Variants in DMTF1 observed in about 807,000 individuals in gnomAD.
DMTF1 encodes the protein cyclin D binding myb like transcription factor 1.
A neutral mutation model predicts 91.1 loss-of-function variants in DMTF1; 39 were observed. The ratio of observed to expected loss-of-function variants is 0.43; its 90% confidence interval spans 0.33 to 0.56. DMTF1 has a LOEUF of 0.56. Among genes scored for constraint, DMTF1 ranks in the 20% least tolerant of loss-of-function variants. The pLI, the probability that DMTF1 is intolerant of heterozygous loss-of-function variation, is 0.05. For synonymous variants in DMTF1, 338 were observed against 309.5 expected (o/e 1.09, Z -0.97); for missense variants, 750 against 914.5 (o/e 0.82, Z 2.32).
chr7:87,193,104 A>T, intron 14 of DMTF1, 94 bp from the exon 15 acceptor site: 3 of 1,312,210 alleles, frequency 2.3e-6, no homozygotes, highest in Non-Finnish European at 3.2e-6. Context: ...CACAATGGGT[A>T]AGTACATTTG....
intron 1 of DMTF1, chr7:87,162,664 A>G (rs1187152318): frequency 2.6e-5 from 4 of 152,228 alleles, no homozygotes; most frequent in Non-Finnish European, 5.9e-5. Context: ...GAATGATAAC[A>G]ACATGAAATC....
intron 2 of DMTF1, chr7:87,164,437 A>G (rs1484273317): frequency 1.3e-5 from 2 of 152,250 alleles, no homozygotes; most frequent in Admixed American, 1.3e-4. Flanking sequence ...CACTTTTTCA[A>G]TATTTTGAAA....
At chr7:87,182,580 G>C (rs1797599058) in intron 10 of DMTF1, among the ~76,000 whole-genome samples, 1 of 152,210 alleles carries the variant, frequency 6.6e-6, no homozygotes, top group African/African-American at 2.4e-5. Context: ...AGATGATTCA[G>C]ATCTAACATG....
At chr7:87,161,456 C>T (rs960805184) in intron 1 of DMTF1, among the ~76,000 whole-genome samples, 6 of 152,134 alleles carry the variant, frequency 3.9e-5, no homozygotes, top group Non-Finnish European at 7.3e-5. Context: ...GAGCCAAGAT[C>T]GTGCCACTGC....
intron 4 of DMTF1, among the ~76,000 whole-genome samples, chr7:87,168,451 C>A (rs1794322496): frequency 6.6e-6 from 1 of 152,172 alleles, no homozygotes; most frequent in Non-Finnish European, 1.5e-5. Context: ...CAGCTCACTT[C>A]CTGTAGGGCT....
intron 14 of DMTF1, among the ~76,000 whole-genome samples, chr7:87,191,872 C>G (rs1799884116): frequency 6.6e-6 from 1 of 152,004 alleles, no homozygotes; most frequent in Non-Finnish European, 1.5e-5. Context: ...TTTATTAAAT[C>G]AAGATTTAAT....
chr7:87,174,070 A>G (rs1795702328), intron 6 of DMTF1, among the ~76,000 whole-genome samples: 1 of 151,912 alleles, frequency 6.6e-6, no homozygotes, highest in Non-Finnish European at 1.5e-5. Flanking sequence ...AGGTGCTACA[A>G]AAAAGTGAGG....
In DMTF1 at chr7:87,193,338, T is replaced by C. The variant is rs1040761465; in HGVS notation, c.1635T>C (p.Ile545=). 6 of 1,613,140 alleles carry C rather than the reference T, an allele frequency of 3.7e-6. No homozygotes were observed. Among genetic ancestry groups the C allele is most frequent in the Non-Finnish European group, 4.2e-6 (5 of 1,179,490 alleles). ...AAAPASPEQI[I]VHALSPEHLL... ...CTCCTGCTTCTCCTGAACAGATTAT[T>C]GTTCATGCTTTATCCGTATGTTACA... The change falls in exon 15 of 18, where the codon ATT becomes ATC. Residue 545 remains isoleucine (I), a synonymous_variant. Transcript: ENST00000331242.
At chr7:87,174,396 A>C (rs776854912) in intron 6 of DMTF1, among the ~76,000 whole-genome samples, 197 bp from the exon 7 acceptor site, 13 of 152,186 alleles carry the variant, frequency 8.5e-5, no homozygotes, top group African/African-American at 1.2e-4. Flanking sequence ...AGTAGGGTCA[A>C]ATAAATGTAT....
At chr7:87,179,472 A>G (rs911973965) in intron 7 of DMTF1, 73 bp from the exon 8 acceptor site, 2 of 1,290,492 alleles carry the variant, frequency 1.5e-6, no homozygotes, top group Admixed American at 3.7e-5. Flanking sequence ...CATTAAAACA[A>G]ATTTTAAAAG....
chr7:87,195,031 A>G lies in DMTF1; in HGVS notation c.2174A>G (p.Asp725Gly), dbSNP rs1800974701. The G allele has an allele frequency of 6.2e-7, 1 of 1,607,542 alleles. No individual in the cohort carries two copies. Among genetic ancestry groups the G allele is most frequent in the South Asian group, 1.1e-5 (1 of 90,500 alleles). Residue 725 changes from aspartate to glycine, a missense_variant and splice_region_variant, in exon 18 of 18, where the codon GAT becomes GGT. Coordinates refer to ENST00000331242, the MANE Select transcript of DMTF1 (RefSeq NM_001142327.2). ...ESVLPLTTLT[D>G]PILQHHQEES... ...AAGACTAACTTGAAACTCATTACAG[A>G]TCCCATACTCCAACATCATCAGGAA... is the stretch of plus-strand genomic sequence containing the variant.
At chr7:87,179,518 TA>T (rs1036344996) in intron 7 of DMTF1, 26 bp from the exon 8 acceptor site, 1 of 1,479,754 alleles carries the variant, frequency 6.8e-7, no homozygotes, top group African/African-American at 1.5e-5. Flanking sequence ...CAGAAATCCC[TA>T]AATCAAAGAA....
At chr7:87,159,799 C>T (rs1791777857) in intron 1 of DMTF1, among the ~76,000 whole-genome samples, 4 of 152,168 alleles carry the variant, frequency 2.6e-5, no homozygotes, top group Admixed American at 2.6e-4. Flanking sequence ...TGTTACTGTA[C>T]TGAGTACAAT....
Position 87,184,581 on chromosome 7 carries a change from G to A in DMTF1, c.1005G>A (p.Gly335=). 6.2e-7 allele frequency: 1 copy of A among 1,613,934 alleles called. No homozygotes were observed. Among genetic ancestry groups the A allele is most frequent in the South Asian group, 1.1e-5 (1 of 91,068 alleles). ...WLNYLNWKQS[G]GTEWTKEDEI... ...ACTACCTGAATTGGAAACAGAGTGG[G>A]GGTACTGAATGGACCAAGGAAGATG... Residue 335 remains glycine, a synonymous_variant, in exon 11 of 18, where the codon GGG becomes GGA. Transcript: ENST00000331242.
chr7:87,159,964 T>C (rs1198777848), intron 1 of DMTF1, among the ~76,000 whole-genome samples: 1 of 152,192 alleles, frequency 6.6e-6, no homozygotes, highest in Non-Finnish European at 1.5e-5. Flanking sequence ...TTTATTTTGC[T>C]CCAAAAAGGA....
At chr7:87,162,578 T>G (rs1792744777) in intron 1 of DMTF1, among the ~76,000 whole-genome samples, 1 of 152,184 alleles carries the variant, frequency 6.6e-6, no homozygotes, top group South Asian at 2.1e-4. Context: ...TTTTTTTTAC[T>G]TTTTTACATT....
At position 87,195,152 on chromosome 7, in the gene DMTF1, G is replaced by A; in HGVS notation, c.*12G>A. ...TAAACTGTCATTAGAATAATTCTTA[G>A]AAATAGGCAGTTCAAGCAAAGAAGG... On this transcript the variant is annotated 3_prime_UTR_variant, in exon 18 of 18. Transcript: ENST00000331242. The A allele has an allele frequency of 1.3e-6, 2 of 1,576,722 alleles. No homozygotes were observed. Among genetic ancestry groups the A allele is most frequent in the Non-Finnish European group, 1.7e-6 (2 of 1,147,938 alleles).
chr7:87,161,710 CGTT>C (rs762113124), intron 1 of DMTF1, among the ~76,000 whole-genome samples: 3 of 152,142 alleles, frequency 2.0e-5, no homozygotes, highest in Non-Finnish European at 2.9e-5. Flanking sequence ...TTTTTCTCAA[CGTT>C]GTGGATTAAC....
At position 87,193,953 on chromosome 7, in the gene DMTF1, T is replaced by C. The variant is rs1800528433; in HGVS notation, c.1879T>C (p.Phe627Leu). 6.2e-7 allele frequency: 1 copy of C among 1,613,308 alleles called. No individual in the cohort carries two copies. The highest frequency in any genetic ancestry group is 8.5e-7 in the Non-Finnish European group (1 of 1,179,620). The change falls in exon 16 of 18, where the codon TTT (phenylalanine) becomes CTT (leucine). Residue 627 changes from phenylalanine to leucine, a missense_variant. By Grantham distance (22) the Phe-to-Leu change is conservative. Around this residue, in one of 3 missense-constraint regions of DMTF1, gnomAD observed 410 missense variants for 420.2 expected, o/e 0.98. Coordinates refer to ENST00000331242, the MANE Select transcript of DMTF1 (RefSeq NM_001142327.2). ...CCCTAAGATGACTGTGGAGCCATCATTTAATGATGCTCATGTATCCAAATT... is the reference window on the plus strand; with the variant it reads ...CCCTAAGATGACTGTGGAGCCATCACTTAATGATGCTCATGTATCCAAATT... ...HHPKMTVEPS[F>L]NDAHVSKFSD...
Sources: allele counts gnomAD v4.1 joint callset (sites outside exome capture counted in the v4.1 genomes callset), GRCh38; gene constraint gnomAD v4.1.1; regional missense constraint gnomAD v4.1.1; transcripts MANE v1.5; gene names NCBI Gene and HGNC (gene_info 2026-07-23, HGNC 2026-07-21).